Variants in EYS observed in about 807,000 individuals in gnomAD.
EYS encodes EGF-like photoreceptor maintenance factor.
A neutral mutation model predicts 282.1 loss-of-function variants in EYS; 250 were observed. The observed-to-expected ratio is 0.89, with a 90% confidence interval of 0.80 to 0.98. The LOEUF is 0.98. EYS is among the 50% of genes least tolerant of loss of function. EYS has a pLI of 0.00. For synonymous variants in EYS, 1,355 were observed against 1,282.9 expected (o/e 1.06, Z -1.20); for missense variants, 4,016 against 3,709.0 (o/e 1.08, Z -2.15).
At chr6:64,883,371 C>T (rs2150061250) in intron 19 of EYS, among the ~76,000 whole-genome samples, 1 of 151,378 alleles carries the variant, frequency 6.6e-6, no homozygotes, top group Non-Finnish European at 1.5e-5. Flanking sequence ...TTCTACATGG[C>T]ATTATTATCA....
At chr6:64,390,854 G>T (rs1172524633) in intron 28 of EYS, among the ~76,000 whole-genome samples, 7 of 141,108 alleles carry the variant, frequency 5.0e-5, no homozygotes, top group Non-Finnish European at 9.2e-5. Context: ...CAAACCAAAG[G>T]CAAAGAAGTT....
chr6:64,245,606 A>T lies in EYS; in HGVS notation c.6192-14782T>A, dbSNP rs377537058. On this transcript the variant is annotated intron_variant, in intron 30 of 42. Coordinates refer to ENST00000503581, the MANE Select transcript of EYS (RefSeq NM_001142800.2). Reference sequence around the variant, plus strand: ...TAATGGCAACCTCTGATCTTTGCAGATTTAAGCCACTTCCTTCTTTGTTCA... The same window carrying T: ...TAATGGCAACCTCTGATCTTTGCAGTTTTAAGCCACTTCCTTCTTTGTTCA... Among the ~76,000 whole-genome samples the T allele has an allele frequency of 3.8e-4, 58 of 152,292 alleles. No homozygotes were observed. The East Asian group carries it at 7.9e-3, about 21-fold the overall frequency.
At chr6:65,059,736 C>T (rs958029923) in intron 12 of EYS, among the ~76,000 whole-genome samples, 1 of 152,030 alleles carries the variant, frequency 6.6e-6, no homozygotes, top group African/African-American at 2.4e-5. Context: ...AAGAGAAGCA[C>T]CTCAGGAAGA....
intron 35 of EYS, among the ~76,000 whole-genome samples, chr6:63,937,960 C>T (rs1251425225): frequency 6.6e-6 from 1 of 152,180 alleles, no homozygotes; most frequent in Admixed American, 6.5e-5. Context: ...TTGAGAAGAG[C>T]GTGCACTGAC....
At chr6:64,543,934 A>T (rs753381667) in intron 26 of EYS, among the ~76,000 whole-genome samples, 29 of 152,300 alleles carry the variant, frequency 1.9e-4, no homozygotes, top group Non-Finnish European at 3.2e-4. Context: ...CCTGCTCTAA[A>T]ATGCTACATT....
intron 15 of EYS, among the ~76,000 whole-genome samples, chr6:64,939,667 T>TACAC (rs148797350): frequency 3.9e-4 from 58 of 149,592 alleles, no homozygotes; most frequent in African/African-American, 1.2e-3. Flanking sequence ...ATGTATTTCA[T>TACAC]ACACACACAC....
At chr6:64,091,787 C>A (rs1772371138) in intron 31 of EYS, among the ~76,000 whole-genome samples, 1 of 152,018 alleles carries the variant, frequency 6.6e-6, no homozygotes, top group Non-Finnish European at 1.5e-5. Flanking sequence ...TTTTAGGGTA[C>A]ATGTGCAAAA....
At chr6:65,392,019 T>C in intron 7 of EYS, among the ~76,000 whole-genome samples, 1 of 151,726 alleles carries the variant, frequency 6.6e-6, no homozygotes, top group Non-Finnish European at 1.5e-5. Context: ...TAACGCCGCA[T>C]ATCTACAACT....
intron 2 of EYS, among the ~76,000 whole-genome samples, chr6:65,518,588 A>T (rs1230355171): frequency 6.6e-6 from 1 of 152,158 alleles, no homozygotes; most frequent in African/African-American, 2.4e-5. Flanking sequence ...TTGTGGTATC[A>T]TCTTAAAATT....
chr6:65,314,185 T>A, intron 11 of EYS, among the ~76,000 whole-genome samples: 1 of 151,822 alleles, frequency 6.6e-6, no homozygotes, highest in Non-Finnish European at 1.5e-5. Flanking sequence ...TTCAAGTACT[T>A]TCTCAAATGT....
At chr6:63,735,225 T>A (rs1393100256) in intron 41 of EYS, among the ~76,000 whole-genome samples, 1 of 152,144 alleles carries the variant, frequency 6.6e-6, no homozygotes, top group Non-Finnish European at 1.5e-5. Context: ...AGTTTACTTT[T>A]GAGTTGCTTT....
chr6:64,658,844 AC>A (rs956769453), intron 22 of EYS, among the ~76,000 whole-genome samples: 22 of 152,230 alleles, frequency 1.4e-4, no homozygotes, highest in African/African-American at 5.3e-4. Flanking sequence ...CAGAAAGGTA[AC>A]AAGGATATCC....
chr6:64,438,364 T>A (rs1159331438), intron 27 of EYS, among the ~76,000 whole-genome samples: 1 of 151,756 alleles, frequency 6.6e-6, no homozygotes, highest in Non-Finnish European at 1.5e-5. Context: ...AAATGATACA[T>A]TAGCGATTAG....
rs1263207565 is a variant in EYS at position 65,191,960 on chromosome 6, TC to T, written c.2023+103902del. ...GTATTCATTTGTACTTTTTTTTTTT[TC>T]AAATTTTAAAGACTTCCAAAATATC... On this transcript the variant is annotated intron_variant, in intron 12 of 42. Transcript: ENST00000503581. Among the ~76,000 whole-genome samples the T allele has an allele frequency of 1.8e-4, 27 of 149,288 alleles. 1 individual carries two copies. The highest frequency in any genetic ancestry group is 4.7e-4 in the Admixed American group (7 of 14,842).
intron 26 of EYS, among the ~76,000 whole-genome samples, chr6:64,515,862 C>T (rs936388246): frequency 6.6e-6 from 1 of 151,562 alleles, no homozygotes; most frequent in Non-Finnish European, 1.5e-5. Context: ...ATCTTGAGAA[C>T]AGCAATATTG....
chr6:65,443,677 T>G (rs1198935665), intron 5 of EYS, among the ~76,000 whole-genome samples: 1 of 151,168 alleles, frequency 6.6e-6, no homozygotes, highest in African/African-American at 2.4e-5. Context: ...ATACATCATA[T>G]ACACACATAC....
At chr6:64,583,485 CTTGAATA>C in intron 26 of EYS, among the ~76,000 whole-genome samples, 1 of 150,288 alleles carries the variant, frequency 6.7e-6, no homozygotes, top group South Asian at 2.1e-4. Flanking sequence ...TCAATGAACA[CTTGAATA>C]TTGAATAAAA....
In EYS at chr6:63,938,185, A is replaced by G. The variant is rs143510684; in HGVS notation, c.7055+46198T>C. 1.3e-3 allele frequency among the ~76,000 whole-genome samples: 201 copies of G among 152,304 alleles called. 1 individual carries two copies. Among genetic ancestry groups the G allele is most frequent in the African/African-American group, 4.6e-3 (192 of 41,568 alleles). On this transcript the variant is annotated intron_variant, in intron 35 of 42. Coordinates refer to ENST00000503581, the MANE Select transcript of EYS (RefSeq NM_001142800.2). ...AATAGGAAACTCAAGTACCTAGCCA[A>G]CCTCACCTAATGCTACAGGAATAAC...
rs187198198 is a variant in EYS at position 65,385,094 on chromosome 6, A to G, written c.1185-594T>C. ...TGGTGTTCTGGCTTCCACTGCCCTCACTTCTAATTAATTTGTAGGAAACAG... is the reference window on the plus strand; with the variant it reads ...TGGTGTTCTGGCTTCCACTGCCCTCGCTTCTAATTAATTTGTAGGAAACAG... On this transcript the variant is annotated intron_variant, in intron 7 of 42. Transcript: ENST00000503581. 3.9e-5 allele frequency among the ~76,000 whole-genome samples: 6 copies of G among 152,040 alleles called. No homozygotes were observed. The East Asian group carries it at 5.8e-4, about 15-fold the overall frequency.
Sources: allele counts gnomAD v4.1 joint callset (sites outside exome capture counted in the v4.1 genomes callset), GRCh38; gene constraint gnomAD v4.1.1; transcripts MANE v1.5; gene names NCBI Gene and HGNC (gene_info 2026-07-23, HGNC 2026-07-21).